The following ARB2A variants were observed in gnomAD, a reference collection of about 807,000 sequenced individuals.
ARB2A encodes ARB2 cotranscriptional regulator A.
At chr5:94,045,865 C>T in the ARB2A span, among the ~76,000 whole-genome samples, 5 of 152,100 alleles carry the variant, frequency 3.3e-5, no homozygotes, top group Non-Finnish European at 7.3e-5. Flanking sequence ...TCCTAAATGG[C>T]ATTCATCTTT....
At chr5:93,781,861 C>CA in the ARB2A span, 7 of 984,942 alleles carry the variant, frequency 7.1e-6, no homozygotes, top group Non-Finnish European at 8.4e-6. Flanking sequence ...ACTTACAAAA[C>CA]AAAAAACTTT....
the ARB2A span, among the ~76,000 whole-genome samples, chr5:93,631,272 C>A: frequency 6.6e-6 from 1 of 152,168 alleles, no homozygotes; most frequent in African/African-American, 2.4e-5. Context: ...AATCAACCTT[C>A]TCCTAGACAA....
the ARB2A span, among the ~76,000 whole-genome samples, chr5:93,664,652 T>A: frequency 3.4e-5 from 5 of 147,946 alleles, no homozygotes; most frequent in South Asian, 2.1e-4. Context: ...TATATATATA[T>A]AATAATAATA....
At chr5:93,759,225 A>G in the ARB2A span, among the ~76,000 whole-genome samples, 1 of 152,196 alleles carries the variant, frequency 6.6e-6, no homozygotes, top group Non-Finnish European at 1.5e-5. Flanking sequence ...GAACAGACCA[A>G]TAACAAGCAG....
At chr5:93,993,722 A>G in the ARB2A span, among the ~76,000 whole-genome samples, 3 of 151,946 alleles carry the variant, frequency 2.0e-5, no homozygotes, top group Non-Finnish European at 4.4e-5. Flanking sequence ...TAAAATGTAC[A>G]ATGGGCTGTT....
chr5:93,729,530 G>A, the ARB2A span, among the ~76,000 whole-genome samples: 1 of 152,034 alleles, frequency 6.6e-6, no homozygotes, highest in East Asian at 1.9e-4. Context: ...CATTTTGCTT[G>A]TTGTGTCCTG....
the ARB2A span, among the ~76,000 whole-genome samples, chr5:93,961,691 A>G: frequency 6.6e-6 from 1 of 152,140 alleles, no homozygotes; most frequent in African/African-American, 2.4e-5. Flanking sequence ...TCAAAAAAGA[A>G]AAAAGAGGGA....
the ARB2A span, among the ~76,000 whole-genome samples, chr5:93,751,201 T>G: frequency 6.6e-6 from 1 of 152,028 alleles, no homozygotes; most frequent in Non-Finnish European, 1.5e-5. Flanking sequence ...CTATAGCACT[T>G]TAGAATTTAA....
At chr5:93,801,262 G>T in the ARB2A span, among the ~76,000 whole-genome samples, 7 of 152,054 alleles carry the variant, frequency 4.6e-5, no homozygotes, top group Non-Finnish European at 1.0e-4. Flanking sequence ...TGGGACACTG[G>T]ATACTCTATT....
At chr5:93,702,933 C>A in the ARB2A span, among the ~76,000 whole-genome samples, 1 of 152,150 alleles carries the variant, frequency 6.6e-6, no homozygotes, top group Middle Eastern at 3.4e-3. Flanking sequence ...GTCATAAATT[C>A]TTTATTTTTA....
At chr5:93,797,051 C>T in the ARB2A span, among the ~76,000 whole-genome samples, 3 of 152,038 alleles carry the variant, frequency 2.0e-5, no homozygotes, top group Non-Finnish European at 4.4e-5. Context: ...TACTAGTGAA[C>T]CATAAACAGT....
chr5:93,681,344 T>A, the ARB2A span, among the ~76,000 whole-genome samples: 1 of 152,154 alleles, frequency 6.6e-6, no homozygotes, highest in African/African-American at 2.4e-5. Flanking sequence ...AGTGACTCTA[T>A]GTGGCCTATA....
the ARB2A span, among the ~76,000 whole-genome samples, chr5:94,111,181 A>G: frequency 6.6e-6 from 1 of 152,152 alleles, no homozygotes. Context: ...TACAACAACC[A>G]CAATACCTCC....
At chr5:93,885,977 A>C in the ARB2A span, among the ~76,000 whole-genome samples, 15 of 151,772 alleles carry the variant, frequency 9.9e-5, no homozygotes, top group Admixed American at 8.6e-4. Context: ...GTGATGACAA[A>C]CACAAAGAAC....
chr5:94,002,158 C>A, the ARB2A span, among the ~76,000 whole-genome samples: 1 of 151,944 alleles, frequency 6.6e-6, no homozygotes, highest in Non-Finnish European at 1.5e-5. Context: ...ATTAGTTAGG[C>A]TCTGATAATA....
chr5:94,004,334 A>G, the ARB2A span, among the ~76,000 whole-genome samples: 1 of 152,154 alleles, frequency 6.6e-6, no homozygotes. Flanking sequence ...AGAATTAAAA[A>G]CTTTTGGGAG....
the ARB2A span, among the ~76,000 whole-genome samples, chr5:93,922,285 GA>G: frequency 5.6e-4 from 85 of 151,790 alleles, no homozygotes; most frequent in South Asian, 0.014. Flanking sequence ...GGATATGGGG[GA>G]AAAAAATTGA....
the ARB2A span, among the ~76,000 whole-genome samples, chr5:93,646,655 C>T: frequency 6.6e-6 from 1 of 151,410 alleles, no homozygotes; most frequent in African/African-American, 2.4e-5. Flanking sequence ...AGATTTTCTT[C>T]TGGTTAGACT....
the ARB2A span, among the ~76,000 whole-genome samples, chr5:93,769,062 A>G: frequency 2.6e-5 from 4 of 152,204 alleles, no homozygotes; most frequent in African/African-American, 9.6e-5. Flanking sequence ...TTATATATAA[A>G]CGGGTAAGTA....
Sources: gnomAD v4.1 joint callset for allele counts (sites outside exome capture counted in the v4.1 genomes callset) on GRCh38, gnomAD v4.1.1 for gene constraint, MANE v1.5 for transcripts, NCBI Gene and HGNC (gene_info 2026-07-23, HGNC 2026-07-21) for gene names.